The following DPP10 variants were observed in gnomAD, a reference collection of about 807,000 sequenced individuals.
The protein encoded by DPP10 is inactive dipeptidyl peptidase 10.
In DPP10, 33 loss-of-function variants were observed where a neutral mutation model predicts 120.9. The observed-to-expected ratio is 0.27, with a 90% confidence interval of 0.21 to 0.37. The LOEUF (loss-of-function observed/expected upper bound fraction) is 0.37, where lower values mean the gene tolerates loss of function less well. Among genes scored for constraint, DPP10 ranks in the 10% least tolerant of loss-of-function variants. DPP10 has a pLI of 1.00. For missense variants in DPP10, 816 were observed against 942.8 expected (o/e 0.87, Z 1.76); for synonymous variants, 337 against 326.1 (o/e 1.03, Z -0.36).
intron 13 of DPP10, among the ~76,000 whole-genome samples, chr2:115,771,139 A>G (rs1681412194): frequency 6.6e-6 from 1 of 151,876 alleles, no homozygotes; most frequent in South Asian, 2.1e-4. Context: ...CAGTGACACG[A>G]TCTCGGCTCA....
At chr2:114,643,722 T>C (rs867761509) in intron 1 of DPP10, among the ~76,000 whole-genome samples, 72 of 151,874 alleles carry the variant, frequency 4.7e-4, no homozygotes, top group Middle Eastern at 3.4e-3. Context: ...CCTCCATTCT[T>C]TGTGGTTAAA....
chr2:115,331,465 T>C (rs1229249047), intron 2 of DPP10, among the ~76,000 whole-genome samples: 1 of 152,182 alleles, frequency 6.6e-6, no homozygotes, highest in East Asian at 1.9e-4. Flanking sequence ...CTATGTTGAA[T>C]AGGAGTGGTG....
intron 1 of DPP10, among the ~76,000 whole-genome samples, chr2:115,055,862 T>A (rs962764809): frequency 6.6e-6 from 1 of 152,186 alleles, no homozygotes; most frequent in Non-Finnish European, 1.5e-5. Context: ...TCCTGTCATA[T>A]AAAAAATGTA....
At chr2:114,696,833 C>T (rs1415897800) in intron 1 of DPP10, among the ~76,000 whole-genome samples, 3 of 151,704 alleles carry the variant, frequency 2.0e-5, no homozygotes, top group Non-Finnish European at 2.9e-5. Context: ...GTATCATGGT[C>T]GAAGAATGGG....
chr2:114,884,037 CTT>C (rs5833567), intron 1 of DPP10, among the ~76,000 whole-genome samples: 7 of 152,098 alleles, frequency 4.6e-5, no homozygotes, highest in African/African-American at 7.2e-5. Context: ...TTTAATTTCA[CTT>C]TTTTTTTCTA....
At chr2:115,339,544 A>G (rs1047224395) in intron 2 of DPP10, among the ~76,000 whole-genome samples, 3 of 152,226 alleles carry the variant, frequency 2.0e-5, no homozygotes, top group African/African-American at 7.2e-5. Context: ...TCCCCAAACC[A>G]GAAATAACAA....
intron 1 of DPP10, chr2:115,161,822 C>T (rs1573839390): frequency 1.2e-6 from 1 of 859,774 alleles, no homozygotes; most frequent in Non-Finnish European, 1.6e-6. Context: ...CTCCCCGCCC[C>T]TCCGCTCCCC....
intron 1 of DPP10, among the ~76,000 whole-genome samples, chr2:114,839,088 T>A (rs2106440508): frequency 6.6e-6 from 1 of 152,342 alleles, no homozygotes; most frequent in Admixed American, 6.5e-5. Context: ...ATCAGCCTCA[T>A]AATTAACAGA....
chr2:115,804,894 A>C (rs1575830944), intron 19 of DPP10, among the ~76,000 whole-genome samples: 2 of 152,272 alleles, frequency 1.3e-5, no homozygotes, highest in East Asian at 3.9e-4. Context: ...CCACTTGAGG[A>C]GGCAGTCTGC....
At chr2:115,301,153 C>T (rs1274877119) in intron 1 of DPP10, among the ~76,000 whole-genome samples, 1 of 151,704 alleles carries the variant, frequency 6.6e-6, no homozygotes, top group Admixed American at 6.6e-5. Context: ...ATTATCCGTC[C>T]CTAAGAGTTT....
chr2:115,107,368 G>A (rs1004236744), intron 1 of DPP10, among the ~76,000 whole-genome samples: 5 of 142,810 alleles, frequency 3.5e-5, no homozygotes, highest in African/African-American at 1.3e-4. Context: ...CAAGAAAGCC[G>A]ATGGGAAAGA....
intron 1 of DPP10, among the ~76,000 whole-genome samples, chr2:115,086,632 A>AT (rs1325612946): frequency 6.6e-6 from 1 of 151,812 alleles, no homozygotes; most frequent in East Asian, 1.9e-4. Flanking sequence ...AATTTTTTGT[A>AT]TTTTTAGTAG....
At chr2:114,815,262 G>C (rs1427089759) in intron 1 of DPP10, among the ~76,000 whole-genome samples, 3 of 152,092 alleles carry the variant, frequency 2.0e-5, no homozygotes, top group Non-Finnish European at 4.4e-5. Context: ...GAAATTATTT[G>C]TAAATAAGAC....
At chr2:114,793,169 T>G (rs1225760588) in intron 1 of DPP10, among the ~76,000 whole-genome samples, 3 of 152,144 alleles carry the variant, frequency 2.0e-5, no homozygotes, top group African/African-American at 7.2e-5. Context: ...AAATTATACT[T>G]TAAGTTCTGG....
At chr2:114,630,830 TC>T (rs1694867154) in intron 1 of DPP10, among the ~76,000 whole-genome samples, 1 of 152,036 alleles carries the variant, frequency 6.6e-6, no homozygotes, top group South Asian at 2.1e-4. Context: ...GCCCTTCTGG[TC>T]CCCACCCCTC....
At chr2:114,473,873 A>G (rs1195934482) in intron 1 of DPP10, among the ~76,000 whole-genome samples, 1 of 152,238 alleles carries the variant, frequency 6.6e-6, no homozygotes, top group Non-Finnish European at 1.5e-5. Context: ...ACATACATAC[A>G]TACATACATA....
At chr2:115,496,815 G>A (rs2076418939) in intron 3 of DPP10, among the ~76,000 whole-genome samples, 1 of 152,066 alleles carries the variant, frequency 6.6e-6, no homozygotes, top group Admixed American at 6.6e-5. Context: ...TTAGCCATGT[G>A]GGAGAACTGG....
chr2:114,761,598 G>T (rs1680289364), intron 1 of DPP10, among the ~76,000 whole-genome samples: 1 of 152,108 alleles, frequency 6.6e-6, no homozygotes, highest in South Asian at 2.1e-4. Flanking sequence ...AGCATCCTTT[G>T]GGTCCTCTGC....
intron 1 of DPP10, among the ~76,000 whole-genome samples, chr2:114,459,005 A>T (rs1678725994): frequency 6.6e-6 from 1 of 152,246 alleles, no homozygotes; most frequent in African/African-American, 2.4e-5. Context: ...TTGTCTTCTG[A>T]CTGATATTTT....
Sources: allele counts gnomAD v4.1 joint callset (sites outside exome capture counted in the v4.1 genomes callset), GRCh38; gene constraint gnomAD v4.1.1; transcripts MANE v1.5; gene names NCBI Gene and HGNC (gene_info 2026-07-23, HGNC 2026-07-21).